PRKCB: variants seen among roughly 807,000 people sequenced by gnomAD.
PRKCB encodes protein kinase C beta type.
Under a neutral mutation model 81.5 loss-of-function variants are expected in PRKCB, and 13 were observed. The ratio of observed to expected loss-of-function variants is 0.16; its 90% CI spans 0.10 to 0.25. The LOEUF (loss-of-function observed/expected upper bound fraction) is 0.25, where lower values mean the gene tolerates loss of function less well. PRKCB is among the 10% of genes least tolerant of loss of function. The pLI is 1.00. For synonymous variants in PRKCB, 335 were observed against 321.4 expected (o/e 1.04, Z -0.45); for missense variants, 509 against 875.7 (o/e 0.58, Z 5.29).
intron 8 of PRKCB, among the ~76,000 whole-genome samples, chr16:24,115,064 T>C (rs1481127704): frequency 6.6e-6 from 1 of 152,142 alleles, no homozygotes. Flanking sequence ...TTGGGGGTTA[T>C]ATAGCAGCAA....
At chr16:24,061,581 G>A (rs947045857) in intron 5 of PRKCB, among the ~76,000 whole-genome samples, 3 of 152,104 alleles carry the variant, frequency 2.0e-5, no homozygotes, top group African/African-American at 4.8e-5. Flanking sequence ...CAGTGGTCAC[G>A]ATTTATAAAA....
At chr16:23,926,094 G>A (rs1488242663) in intron 2 of PRKCB, among the ~76,000 whole-genome samples, 1 of 151,820 alleles carries the variant, frequency 6.6e-6, no homozygotes, top group Non-Finnish European at 1.5e-5. Flanking sequence ...GAGCAACTTG[G>A]TGAGACTCCG....
At chr16:24,059,698 T>C (rs1965947685) in intron 5 of PRKCB, among the ~76,000 whole-genome samples, 2 of 152,140 alleles carry the variant, frequency 1.3e-5, no homozygotes, top group South Asian at 4.1e-4. Flanking sequence ...GTAATAATTA[T>C]AGTGCTTTTA....
At chr16:24,055,146 G>A (rs1965889064) in intron 5 of PRKCB, among the ~76,000 whole-genome samples, 1 of 152,266 alleles carries the variant, frequency 6.6e-6, no homozygotes, top group Non-Finnish European at 1.5e-5. Context: ...GGGGACTTCT[G>A]TACCCCTCCT....
intron 2 of PRKCB, among the ~76,000 whole-genome samples, chr16:23,958,555 G>A (rs934540419): frequency 2.6e-5 from 4 of 151,620 alleles, no homozygotes; most frequent in South Asian, 2.1e-4. Flanking sequence ...CACCCACCTC[G>A]GCCTCCCAAT....
intron 5 of PRKCB, among the ~76,000 whole-genome samples, chr16:24,066,121 G>GTTTATC (rs1430064806): frequency 1.8e-4 from 27 of 150,024 alleles, no homozygotes; most frequent in Non-Finnish European, 2.8e-4. Flanking sequence ...GTTTGTATGT[G>GTTTATC]TTTATCTTGG....
intron 16 of PRKCB, 27 bp downstream of exon 16, chr16:24,191,257 C>T (rs749367668): frequency 1.5e-5 from 24 of 1,612,874 alleles, no homozygotes; most frequent in East Asian, 6.7e-5. Flanking sequence ...CTCTGACTGC[C>T]GGGTATTCAC....
chr16:24,193,631 T>C (rs58180466), intron 16 of PRKCB, among the ~76,000 whole-genome samples: 16,864 of 152,000 alleles, frequency 0.11, 1,114 homozygotes, highest in South Asian at 0.19. Flanking sequence ...ATCATCTCTT[T>C]AAGTGGAAGA....
intron 7 of PRKCB, among the ~76,000 whole-genome samples, chr16:24,108,853 C>A: frequency 6.6e-6 from 1 of 152,084 alleles, no homozygotes; most frequent in South Asian, 2.1e-4. Context: ...GGCCCGTTCT[C>A]AATGAGCTGT....
intron 3 of PRKCB, among the ~76,000 whole-genome samples, chr16:23,989,679 A>G (rs1479677648): frequency 6.6e-6 from 1 of 152,214 alleles, no homozygotes; most frequent in Non-Finnish European, 1.5e-5. Context: ...GAATGACAGT[A>G]TGGGTGATAT....
At chr16:24,021,785 AAC>A (rs1422722860) in intron 3 of PRKCB, among the ~76,000 whole-genome samples, 8 of 152,152 alleles carry the variant, frequency 5.3e-5, no homozygotes, top group Admixed American at 5.2e-4. Flanking sequence ...ATACCAGGAT[AAC>A]AGTCTAACTC....
intron 2 of PRKCB, among the ~76,000 whole-genome samples, chr16:23,958,564 A>G (rs566177009): frequency 3.5e-4 from 53 of 151,948 alleles, no homozygotes; most frequent in Admixed American, 7.9e-4. Flanking sequence ...CGGCCTCCCA[A>G]TGTGCTGGGA....
At chr16:23,843,644 G>T (rs1962306415) in intron 2 of PRKCB, among the ~76,000 whole-genome samples, 1 of 151,890 alleles carries the variant, frequency 6.6e-6, no homozygotes, top group Non-Finnish European at 1.5e-5. Context: ...AGTAAATATG[G>T]AAAATATGAC....
At position 24,087,441 on chromosome 16, in the gene PRKCB, C is replaced by T. The variant is rs556699520; in HGVS notation, c.530-5350C>T. ...CATTGGTGGGCACTCAGGTTATTTC[C>T]TACTTTTATAATTGCACACATCCTC... On this transcript the variant is annotated intron_variant, in intron 5 of 16. Transcript: ENST00000643927. Among the ~76,000 whole-genome samples the T allele has an allele frequency of 2.6e-5, 4 of 152,288 alleles. No individual in the cohort carries two copies. In the East Asian group the frequency reaches 7.7e-4, roughly 29 times the overall value.
At chr16:24,199,474 T>C (rs1006007649) in intron 16 of PRKCB, among the ~76,000 whole-genome samples, 10 of 152,196 alleles carry the variant, frequency 6.6e-5, no homozygotes, top group African/African-American at 2.4e-4. Flanking sequence ...AACCTTTGTA[T>C]GTTTGCTGTT....
At chr16:24,047,318 G>A (rs1039785334) in intron 5 of PRKCB, among the ~76,000 whole-genome samples, 11 of 151,898 alleles carry the variant, frequency 7.2e-5, no homozygotes, top group African/African-American at 2.4e-4. Context: ...CTCCAGCCTG[G>A]GTGACAGAGT....
At position 23,861,250 on chromosome 16, in the gene PRKCB, C is replaced by T. The variant is rs190052739; in HGVS notation, c.205+23844C>T. 1.6e-3 allele frequency among the ~76,000 whole-genome samples: 245 copies of T among 152,044 alleles called. 1 individual carries two copies. The highest frequency in any genetic ancestry group is 4.7e-3 in the African/African-American group (196 of 41,460). Reference sequence around the variant, plus strand: ...GTGGCACAAACACAGCTCACTGCAGCCTCAACCTCCCAGGCTCAAGCAAAC... The same window carrying T: ...GTGGCACAAACACAGCTCACTGCAGTCTCAACCTCCCAGGCTCAAGCAAAC... On this transcript the variant is annotated intron_variant, in intron 2 of 16. Coordinates refer to ENST00000643927, the MANE Select transcript of PRKCB (RefSeq NM_002738.7).
chr16:24,052,735 C>T (rs559505194), intron 5 of PRKCB, among the ~76,000 whole-genome samples: 4 of 152,326 alleles, frequency 2.6e-5, no homozygotes, highest in African/African-American at 4.8e-5. Flanking sequence ...GACGACCAGA[C>T]GTCACTTTTG....
intron 2 of PRKCB, among the ~76,000 whole-genome samples, chr16:23,957,892 A>G (rs1165019142): frequency 1.3e-5 from 2 of 152,176 alleles, no homozygotes; most frequent in African/African-American, 2.4e-5. Context: ...ACACAGCTCT[A>G]TATCTCAGTT....
Sources: gnomAD v4.1 joint callset for allele counts (sites outside exome capture counted in the v4.1 genomes callset) on GRCh38, gnomAD v4.1.1 for gene constraint, MANE v1.5 for transcripts, NCBI Gene and HGNC (gene_info 2026-07-23, HGNC 2026-07-21) for gene names.